Variants in SACM1L observed in about 807,000 individuals in gnomAD.
The protein encoded by SACM1L is SAC1 like phosphatidylinositide phosphatase, also known as phosphatidylinositol-3-phosphatase SAC1.
Under a neutral mutation model 89.5 loss-of-function variants are expected in SACM1L, and 32 were observed. That is an observed-to-expected ratio of 0.36 (90% CI 0.27 to 0.48). The LOEUF is 0.48. Among genes scored for constraint, SACM1L ranks in the 20% least tolerant of loss-of-function variants. The pLI, the probability that SACM1L is intolerant of heterozygous loss-of-function variation, is 0.99. For missense variants in SACM1L, 543 were observed against 708.5 expected, an observed-to-expected ratio of 0.77 and a Z score of 2.65; for synonymous variants, 213 against 232.8, an observed-to-expected ratio of 0.92 and a Z score of 0.77.
intron 7 of SACM1L, among the ~76,000 whole-genome samples, chr3:45,716,331 G>T (rs1386419939): frequency 6.6e-6 from 1 of 152,124 alleles, no homozygotes; most frequent in African/African-American, 2.4e-5. Flanking sequence ...TAAAAATTAG[G>T]CATGGTAGCA....
intron 7 of SACM1L, among the ~76,000 whole-genome samples, chr3:45,714,887 TACTG>T (rs1353358464): frequency 6.6e-6 from 1 of 152,232 alleles, no homozygotes; most frequent in Non-Finnish European, 1.5e-5. Flanking sequence ...ATGTGCCACA[TACTG>T]ACATTTCAGT....
chr3:45,721,494 C>T (rs373722507), intron 8 of SACM1L, among the ~76,000 whole-genome samples: 10 of 152,300 alleles, frequency 6.6e-5, no homozygotes, highest in Admixed American at 4.6e-4. Context: ...TGCACTCCAG[C>T]CTGGGCAACA....
At chr3:45,718,022 A>C (rs1485564435) in intron 7 of SACM1L, among the ~76,000 whole-genome samples, 3 of 152,262 alleles carry the variant, frequency 2.0e-5, no homozygotes, top group Non-Finnish European at 4.4e-5. Context: ...TTTCCTAATA[A>C]GATCAGATGA....
At chr3:45,713,037 C>A in intron 5 of SACM1L, 100 bp from the exon 6 acceptor site, 1 of 930,168 alleles carries the variant, frequency 1.1e-6, no homozygotes, top group African/African-American at 1.7e-5. Context: ...AAGAAACTGG[C>A]TTCTAGCCAT....
rs1246447607 is a variant in SACM1L, at chr3:45,689,396, A to G, written c.-70A>G. On this transcript the variant is annotated 5_prime_UTR_variant, in exon 1 of 20. Coordinates refer to ENST00000389061, the MANE Select transcript of SACM1L (RefSeq NM_014016.5). The stretch of plus-strand genomic sequence containing the variant: ...CGGCCGCTGTGCCAGGGTGACCGGT[A>G]GAGTTGTAGCCGAGGTGGCGGCGCG... The G allele has an allele frequency of 5.2e-6, 8 of 1,539,378 alleles. No individual in the cohort carries two copies. The highest frequency in any genetic ancestry group is 2.4e-5 in the East Asian group (1 of 41,194).
intron 11 of SACM1L, among the ~76,000 whole-genome samples, chr3:45,726,550 A>G (rs1256815357): frequency 6.6e-6 from 1 of 152,098 alleles, no homozygotes; most frequent in Non-Finnish European, 1.5e-5. Context: ...AGAAATTGCT[A>G]GTAATGTCCA....
In SACM1L at chr3:45,715,233, G is replaced by C. The variant is rs111997139; in HGVS notation, c.577+1154G>C. On this transcript the variant is annotated intron_variant, in intron 7 of 19. Transcript: ENST00000389061. ...AGGATTGTGCCCTGAAGAAAACGGT[G>C]ATGACATCTATCAAGCACATGTAAG... Among the ~76,000 whole-genome samples, 705 of 152,222 alleles carry C rather than the reference G, an allele frequency of 4.6e-3. 5 individuals carry two copies. The highest frequency in any genetic ancestry group is 0.016 in the African/African-American group (665 of 41,516).
chr3:45,693,940 A>G (rs1027035846), intron 1 of SACM1L, among the ~76,000 whole-genome samples: 1 of 152,184 alleles, frequency 6.6e-6, no homozygotes, highest in African/African-American at 2.4e-5. Flanking sequence ...TGAAATTGCA[A>G]AATAATTAGA....
chr3:45,695,386 T>C (rs942567065), intron 1 of SACM1L, among the ~76,000 whole-genome samples: 12 of 152,002 alleles, frequency 7.9e-5, no homozygotes, highest in Non-Finnish European at 1.3e-4. Flanking sequence ...TCAGCCTCCC[T>C]TGTAGCTGGG....
intron 1 of SACM1L, among the ~76,000 whole-genome samples, chr3:45,696,310 C>T (rs2673056): frequency 0.48 from 73,340 of 151,994 alleles, 18,234 homozygotes; most frequent in Middle Eastern, 0.57. Context: ...AATTTCCTTT[C>T]TAAGGCTGAA....
chr3:45,721,861 T>G, intron 8 of SACM1L, 139 bp from the exon 9 acceptor site: 2 of 608,228 alleles, frequency 3.3e-6, no homozygotes, highest in Non-Finnish European at 5.7e-6. Flanking sequence ...AATGAATTTG[T>G]TTGAATTGTA....
At position 45,722,003 on chromosome 3, in the gene SACM1L, T is replaced by G; in HGVS notation, c.683T>G (p.Ile228Ser). 1 of 1,606,970 alleles carries G rather than the reference T, an allele frequency of 6.2e-7. No homozygotes were observed. The highest frequency in any genetic ancestry group is 8.5e-7 in the Non-Finnish European group (1 of 1,174,360). Residue 228 changes from isoleucine (I) to serine (S), a missense_variant, in exon 9 of 20, where the codon ATT becomes AGT. Around this residue, in one of 2 missense-constraint regions of SACM1L, gnomAD observed 370 missense variants for 527.6 expected, o/e 0.70. Coordinates refer to ENST00000389061, the MANE Select transcript of SACM1L (RefSeq NM_014016.5). ...TCTTAATTTTTTTTCTATTTAGGAA[T>G]TGATTCGGAAGGCCATGCAGCTAAC... ...RAGVRYYVRGIDSEGHAANFV... is the reference protein window; with the variant it reads ...RAGVRYYVRGSDSEGHAANFV...
At chr3:45,738,539 G>A (rs200009586) in intron 16 of SACM1L, 39 bp from the exon 17 acceptor site, 50 of 1,255,790 alleles carry the variant, frequency 4.0e-5, no homozygotes, top group Middle Eastern at 2.3e-4. Flanking sequence ...AGAATTCAGT[G>A]TACAAACCTG....
chr3:45,708,989 T>G (rs1228932551), intron 4 of SACM1L, among the ~76,000 whole-genome samples: 1 of 152,248 alleles, frequency 6.6e-6, no homozygotes, highest in African/African-American at 2.4e-5. Context: ...AATTCCATTT[T>G]ACTTCTCGTC....
intron 11 of SACM1L, among the ~76,000 whole-genome samples, chr3:45,725,330 T>A (rs1698893938): frequency 7.4e-6 from 1 of 135,628 alleles, no homozygotes; most frequent in African/African-American, 2.5e-5. Flanking sequence ...AGATGTCTTT[T>A]TATTTATTTA....
chr3:45,728,123 A>G (rs1415329995), intron 11 of SACM1L, among the ~76,000 whole-genome samples: 1 of 152,134 alleles, frequency 6.6e-6, no homozygotes, highest in East Asian at 1.9e-4. Context: ...TTTTTTGATT[A>G]CTATTTGCAC....
chr3:45,730,054 C>G (rs1267648604), intron 11 of SACM1L, among the ~76,000 whole-genome samples: 1 of 151,972 alleles, frequency 6.6e-6, no homozygotes, highest in Non-Finnish European at 1.5e-5. Context: ...TGTGTTTCCC[C>G]TTAGCTCTTT....
intron 5 of SACM1L, 30 bp downstream of exon 5, chr3:45,709,677 T>G: frequency 6.3e-7 from 1 of 1,579,334 alleles, no homozygotes; most frequent in Non-Finnish European, 8.6e-7. Context: ...ATTTTTATTT[T>G]TAGGTTTTTA....
intron 3 of SACM1L, 65 bp downstream of exon 3, chr3:45,705,274 T>C: frequency 3.2e-6 from 3 of 936,270 alleles, no homozygotes; most frequent in African/African-American, 3.3e-5. Context: ...TTGTTAATAT[T>C]AGAGTGAGTA....
Sources: allele counts gnomAD v4.1 joint callset (sites outside exome capture counted in the v4.1 genomes callset), GRCh38; gene constraint gnomAD v4.1.1; regional missense constraint gnomAD v4.1.1; transcripts MANE v1.5; gene names NCBI Gene and HGNC (gene_info 2026-07-23, HGNC 2026-07-21).